Variants in COPG2 observed in about 807,000 individuals in gnomAD.
COPG2 encodes the protein coatomer subunit gamma-2.
In COPG2, 37 loss-of-function variants were observed where a neutral mutation model predicts 46.3. The observed-to-expected ratio is 0.80, with a 90% CI of 0.61 to 1.05. The LOEUF (loss-of-function observed/expected upper bound fraction) is 1.05. Ranked by LOEUF, COPG2 falls within the 50% of genes least tolerant of loss-of-function variation. The probability of loss-of-function intolerance (pLI) is 0.00; values close to 1 mark genes in which losing one functional copy is unlikely to be tolerated. For synonymous variants in COPG2, 159 were observed against 129.7 expected (o/e 1.23, Z -1.53); for missense variants, 427 against 387.8 (o/e 1.10, Z -0.85).
chr7:130,605,820 C>CT (rs782494846), intron 9 of COPG2: 2 of 517,752 alleles, frequency 3.9e-6, no homozygotes, highest in Non-Finnish European at 7.7e-6. Context: ...GACTTCTAAT[C>CT]TACAGATCTG....
chr7:130,561,289 T>C (rs1793714878), intron 11 of COPG2, 68 bp from the exon 12 acceptor site: 1 of 398,110 alleles, frequency 2.5e-6, no homozygotes, highest in Admixed American at 4.4e-5. Context: ...TAAATTTTAA[T>C]TGAGGTAAGT....
intron 9 of COPG2, among the ~76,000 whole-genome samples, chr7:130,566,884 A>T (rs1302491296): frequency 6.6e-6 from 1 of 152,182 alleles, no homozygotes; most frequent in Non-Finnish European, 1.5e-5. Context: ...TGAAATGACA[A>T]GGGGCTTACA....
intron 9 of COPG2, among the ~76,000 whole-genome samples, chr7:130,592,193 CTTGAAGGCAGCATGCTCGTTAAGA>C (rs1219626868): frequency 4.6e-5 from 7 of 152,078 alleles, no homozygotes; most frequent in African/African-American, 1.7e-4. Flanking sequence ...TAAACAGATG[CTTGAAGGCAGCATGCTCGTTAAGA>C]GTCATCGCCA....
At chr7:130,608,492 T>G (rs1192280254) in intron 9 of COPG2, among the ~76,000 whole-genome samples, 1 of 152,242 alleles carries the variant, frequency 6.6e-6, no homozygotes, top group Non-Finnish European at 1.5e-5. Context: ...GATGCAGGTA[T>G]GCAGACACAA....
At chr7:130,507,647 G>A in intron 22 of COPG2, 38 bp downstream of exon 22, 1 of 772,630 alleles carries the variant, frequency 1.3e-6, no homozygotes, top group Non-Finnish European at 2.4e-6. Flanking sequence ...GTGTTATACT[G>A]TTATCAGGCA....
At chr7:130,620,089 C>T (rs1182278374) in intron 5 of COPG2, among the ~76,000 whole-genome samples, 1 of 152,030 alleles carries the variant, frequency 6.6e-6, no homozygotes, top group Non-Finnish European at 1.5e-5. Context: ...TAATACGTAG[C>T]TATGTTTTTA....
At chr7:130,625,047 C>G (rs1477860677) in intron 5 of COPG2, among the ~76,000 whole-genome samples, 2 of 152,118 alleles carry the variant, frequency 1.3e-5, no homozygotes, top group African/African-American at 4.8e-5. Flanking sequence ...AATAATGTTC[C>G]CTTTTTATCA....
At chr7:130,600,637 T>TA (rs1277530601) in intron 9 of COPG2, among the ~76,000 whole-genome samples, 1 of 152,232 alleles carries the variant, frequency 6.6e-6, no homozygotes, top group Non-Finnish European at 1.5e-5. Context: ...TGGCATTTTT[T>TA]ATGTGTGTGA....
chr7:130,515,704 G>T (rs1375714525), intron 20 of COPG2, among the ~76,000 whole-genome samples: 1 of 152,098 alleles, frequency 6.6e-6, no homozygotes. Flanking sequence ...GAAAGGAGAG[G>T]AGAGATGGAG....
intron 4 of COPG2, among the ~76,000 whole-genome samples, chr7:130,657,284 G>A (rs1229577698): frequency 1.3e-5 from 2 of 151,976 alleles, no homozygotes; most frequent in African/African-American, 2.4e-5. Context: ...AGAACCATGT[G>A]TTGAGAAAAT....
At chr7:130,523,142 C>G (rs1312476158) in intron 20 of COPG2, among the ~76,000 whole-genome samples, 3 of 26,778 alleles carry the variant, frequency 1.1e-4, no homozygotes, top group African/African-American at 4.0e-4. Flanking sequence ...AAAGAAGGCT[C>G]CAGGCCTCAA....
At chr7:130,629,341 T>G (rs1187500264) in intron 5 of COPG2, among the ~76,000 whole-genome samples, 5 of 151,948 alleles carry the variant, frequency 3.3e-5, no homozygotes, top group Admixed American at 2.6e-4. Flanking sequence ...AAAATGGCCA[T>G]TATTACCTCA....
chr7:130,585,873 T>C (rs1478038694), intron 9 of COPG2, among the ~76,000 whole-genome samples: 2 of 152,198 alleles, frequency 1.3e-5, no homozygotes, highest in African/African-American at 4.8e-5. Context: ...CTGGTGGGAA[T>C]GTAAACTAGT....
chr7:130,644,679 T>A (rs1162725556), intron 5 of COPG2, among the ~76,000 whole-genome samples: 8 of 152,372 alleles, frequency 5.3e-5, no homozygotes, highest in Non-Finnish European at 1.0e-4. Flanking sequence ...AGCTGACTTT[T>A]GCTTTCCTTT....
chr7:130,651,617 C>T (rs961614891), intron 5 of COPG2, among the ~76,000 whole-genome samples: 14 of 147,620 alleles, frequency 9.5e-5, no homozygotes, highest in Non-Finnish European at 8.9e-5. Context: ...CCCGGGTTCA[C>T]GCCATTCTCC....
intron 20 of COPG2, among the ~76,000 whole-genome samples, chr7:130,524,042 G>A (rs1361815084): frequency 2.0e-5 from 3 of 152,098 alleles, no homozygotes; most frequent in Admixed American, 6.6e-5. Context: ...CAGGAAGAAG[G>A]TAGGAAATTC....
chr7:130,518,757 ACT>A (rs1181681422), intron 20 of COPG2, among the ~76,000 whole-genome samples: 1 of 151,996 alleles, frequency 6.6e-6, no homozygotes, highest in Non-Finnish European at 1.5e-5. Context: ...TAATCCCAAC[ACT>A]CTGGGAGGCC....
At chr7:130,615,042 T>C (rs557283336) in intron 6 of COPG2, among the ~76,000 whole-genome samples, 2 of 152,312 alleles carry the variant, frequency 1.3e-5, no homozygotes, top group East Asian at 3.9e-4. Context: ...CTTGTTGTTC[T>C]TGGAATAGAA....
intron 20 of COPG2, among the ~76,000 whole-genome samples, chr7:130,545,862 TTTG>T (rs1184738386): frequency 2.6e-5 from 4 of 152,268 alleles, no homozygotes; most frequent in South Asian, 4.2e-4. Context: ...GTGGAAATGT[TTTG>T]TTGTTGTTGT....
Sources: gnomAD v4.1 joint callset for allele counts (sites outside exome capture counted in the v4.1 genomes callset) on GRCh38, gnomAD v4.1.1 for gene constraint, MANE v1.5 for transcripts, NCBI Gene and HGNC (gene_info 2026-07-23, HGNC 2026-07-21) for gene names.